TAS1R3: variants seen among roughly 807,000 people sequenced by gnomAD.
TAS1R3 encodes the protein taste 1 receptor member 3, also known as taste receptor type 1 member 3.
Under a neutral mutation model 46.1 loss-of-function variants are expected in TAS1R3, and 58 were observed. The observed-to-expected ratio is 1.26, with a 90% CI of 1.02 to 1.57. The LOEUF (loss-of-function observed/expected upper bound fraction) is 1.57, where lower values mean the gene tolerates loss of function less well. Ranked by LOEUF, TAS1R3 falls within the 40% of genes most tolerant of loss-of-function variation. The pLI is 0.00. For missense variants in TAS1R3, 1,422 were observed against 1,185.8 expected, an observed-to-expected ratio of 1.20 and a Z score of -2.93; for synonymous variants, 724 against 544.7, an observed-to-expected ratio of 1.33 and a Z score of -4.58.
In TAS1R3 at chr1:1,331,647, A is replaced by T. The variant is rs755262154; in HGVS notation, c.201A>T (p.Ser67=). 6.2e-7 allele frequency: 1 copy of T among 1,609,956 alleles called. No homozygotes were observed. Among genetic ancestry groups the T allele is most frequent in the South Asian group, 1.1e-5 (1 of 91,046 alleles). The stretch of plus-strand genomic sequence containing the variant: ...TTCTGTGTGGCCCCAGGTTCTCCTC[A>T]AACGGCCTGCTCTGGGCACTGGCCA... ...PSSPVCTRFS[S]NGLLWALAMK... Residue 67 remains serine (S), a synonymous_variant, in exon 2 of 6, where the codon TCA becomes TCT. Coordinates refer to ENST00000339381, the MANE Select transcript of TAS1R3 (RefSeq NM_152228.3).
In TAS1R3 at chr1:1,332,923, C is replaced by T. The variant is rs1382890642; in HGVS notation, c.1278C>T (p.Leu426=). The change falls in exon 4 of 6, where the codon CTC becomes CTT. Residue 426 remains leucine, a splice_region_variant and synonymous_variant. Transcript: ENST00000339381. Reference sequence around the variant, plus strand: ...TCAGCCCCGTCCCCCGCCCGCAGCTCCTGGAGAACATGTACAACCTGACCT... The same window carrying T: ...TCAGCCCCGTCCCCCGCCCGCAGCTTCTGGAGAACATGTACAACCTGACCT... ...PAQDPVKPWQ[L]LENMYNLTFH... 2 of 1,606,038 alleles carry T rather than the reference C, an allele frequency of 1.2e-6. No homozygotes were observed. The highest frequency in any genetic ancestry group is 1.3e-5 in the African/African-American group (1 of 74,944).
At chr1:1,332,856 C>T in intron 3 of TAS1R3, 50 bp downstream of exon 3, 1 of 1,587,442 alleles carries the variant, frequency 6.3e-7, no homozygotes, top group Non-Finnish European at 8.6e-7. Flanking sequence ...GCCCAGGCCA[C>T]CAGGCACGGC....
rs140035477 is a variant in TAS1R3 at position 1,333,624 on chromosome 1, C to T, written c.1719C>T (p.Leu573=). Residue 573 remains leucine (L), a synonymous_variant, in exon 6 of 6, where the codon CTC becomes CTT. Coordinates refer to ENST00000339381, the MANE Select transcript of TAS1R3 (RefSeq NM_152228.3). The part of the protein sequence containing the change: ...AWGEPAVLLL[L]LLLSLALGLV... Reference sequence around the variant, plus strand: ...GCGAGCCGGCTGTGCTGCTGCTGCTCCTGCTGCTGAGCCTGGCGCTGGGCC... The same window carrying T: ...GCGAGCCGGCTGTGCTGCTGCTGCTTCTGCTGCTGAGCCTGGCGCTGGGCC... The T allele has an allele frequency of 5.9e-3, 9,466 of 1,611,062 alleles. 428 individuals carry two copies. The Admixed American group carries it at 0.1, about 17-fold the overall frequency.
Position 1,334,734 on chromosome 1 carries a change from G to A in TAS1R3, c.*270G>A, listed in dbSNP as rs922566810. 1.5e-5 allele frequency: 6 copies of A among 408,796 alleles called. No individual in the cohort carries two copies. Among genetic ancestry groups the A allele is most frequent in the Admixed American group, 4.1e-5 (1 of 24,460 alleles). The allele number at this position is 408,796 out of a possible 1,614,324, so 25.3% of individuals were successfully genotyped here. ...CCCAGACCCACTGTTCTGGAAAGAG[G>A]CCCGGAGGGCTCCCAGGGTACCCGC... On this transcript the variant is annotated 3_prime_UTR_variant, in exon 6 of 6. Transcript: ENST00000339381.
At position 1,334,281 on chromosome 1, in the gene TAS1R3, C is replaced by T. The variant is rs139536001; in HGVS notation, c.2376C>T (p.Ala792=). 6.1e-5 allele frequency: 98 copies of T among 1,611,534 alleles called. No homozygotes were observed. The African/African-American group carries it at 1.1e-3, about 19-fold the overall frequency. The change falls in exon 6 of 6, where the codon GCC becomes GCT. Residue 792 remains alanine (A), a synonymous_variant. Transcript: ENST00000339381. ...ATGTGCAGGTGGTCCTCAGGCCCGC[C>T]GTGCAGATGGGCGCCCTCCTGCTCT... The part of the protein sequence containing the change: ...LANVQVVLRP[A]VQMGALLLCV...
chr1:1,331,766 T>A lies in TAS1R3; in HGVS notation c.320T>A (p.Val107Glu). Residue 107 changes from valine to glutamate, a missense_variant, in exon 2 of 6, where the codon GTG becomes GAG. Transcript: ENST00000339381. The stretch of plus-strand genomic sequence containing the variant: ...CTCTTTGATACGTGCTCGGAGCCTG[T>A]GGTGGCCATGAAGCCCAGCCTCATG... ...YDLFDTCSEP[V>E]VAMKPSLMFL... The A allele has an allele frequency of 6.2e-7, 1 of 1,612,874 alleles. No individual in the cohort carries two copies. Among genetic ancestry groups the A allele is most frequent in the Non-Finnish European group, 8.5e-7 (1 of 1,180,016 alleles).
rs1189687722 is a variant in TAS1R3 at position 1,334,532 on chromosome 1, C to T, written c.*68C>T. On this transcript the variant is annotated 3_prime_UTR_variant, in exon 6 of 6. Coordinates refer to ENST00000339381, the MANE Select transcript of TAS1R3 (RefSeq NM_152228.3). ...GCGATCCCCCCCAAGCCAGCAATGA[C>T]CCGTGTCTCGCTACAGAGACCCTCC... 4 of 1,427,208 alleles carry T rather than the reference C, an allele frequency of 2.8e-6. No individual in the cohort carries two copies. Among genetic ancestry groups the T allele is most frequent in the South Asian group, 1.5e-5 (1 of 68,490 alleles). The allele number at this position is 1,427,208 out of a possible 1,614,324, so 88.4% of individuals were successfully genotyped here.
rs145836110 is a variant in TAS1R3 at position 1,334,360 on chromosome 1, C to A, written c.2455C>A (p.Arg819=). ...FHLPRCYLLM[R]QPGLNTPEFF... Reference sequence around the variant, plus strand: ...CCTGCCCAGGTGTTACCTGCTCATGCGGCAGCCAGGGCTCAACACCCCCGA... The same window carrying A: ...CCTGCCCAGGTGTTACCTGCTCATGAGGCAGCCAGGGCTCAACACCCCCGA... The change falls in exon 6 of 6, where the codon CGG becomes AGG. Residue 819 remains arginine (R), a synonymous_variant. Transcript: ENST00000339381. 54 of 1,610,662 alleles carry A rather than the reference C, an allele frequency of 3.4e-5. No individual in the cohort carries two copies. The highest frequency in any genetic ancestry group is 4.5e-5 in the Non-Finnish European group (53 of 1,179,016).
In TAS1R3 at chr1:1,334,192, G is replaced by A. The variant is rs982835883; in HGVS notation, c.2287G>A (p.Gly763Ser). 2.5e-6 allele frequency: 4 copies of A among 1,602,732 alleles called. No homozygotes were observed. Among genetic ancestry groups the A allele is most frequent in the Non-Finnish European group, 3.4e-6 (4 of 1,175,140 alleles). Reference protein sequence around the residue: ...SQPGCYNRARGLTFAMLAYFI... With the variant: ...SQPGCYNRARSLTFAMLAYFI... ...GCCGGGCTGCTACAACCGTGCCCGT[G>A]GCCTCACCTTTGCCATGCTGGCCTA... Residue 763 changes from glycine to serine, a missense_variant, in exon 6 of 6, where the codon GGC becomes AGC. Transcript: ENST00000339381.
rs547693387 is a variant in TAS1R3, at chr1:1,333,600, C to G, written c.1695C>G (p.Gly565=). ...GCAGGTCTCGGTTCCTGGCATGGGGCGAGCCGGCTGTGCTGCTGCTGCTCC... is the reference window on the plus strand; with the variant it reads ...GCAGGTCTCGGTTCCTGGCATGGGGGGAGCCGGCTGTGCTGCTGCTGCTCC... The part of the protein sequence containing the change: ...FRRRSRFLAW[G]EPAVLLLLLL... The change falls in exon 6 of 6, where the codon GGC becomes GGG. Residue 565 remains glycine (G), a synonymous_variant. Coordinates refer to ENST00000339381, the MANE Select transcript of TAS1R3 (RefSeq NM_152228.3). The G allele has an allele frequency of 2.5e-6, 4 of 1,609,296 alleles. No individual in the cohort carries two copies. The highest frequency in any genetic ancestry group is 3.4e-6 in the Non-Finnish European group (4 of 1,179,926).
chr1:1,332,422 G>A lies in TAS1R3; in HGVS notation c.891G>A (p.Trp297Ter). 6.2e-7 allele frequency: 1 copy of A among 1,606,612 alleles called. No homozygotes were observed. The highest frequency in any genetic ancestry group is 8.5e-7 in the Non-Finnish European group (1 of 1,178,152). Residue 297 changes from tryptophan (W) to a stop codon, truncating the protein, a stop_gained, in exon 3 of 6, where the codon TGG (tryptophan) becomes TGA (stop). Transcript: ENST00000339381. LOFTEE classifies it high-confidence loss of function. Reference sequence around the variant, plus strand: ...GCAGCAGGCTCTCGCCCAAGGTGTGGGTGGCCAGCGAGGCCTGGCTGACCT... The same window carrying A: ...GCAGCAGGCTCTCGCCCAAGGTGTGAGTGGCCAGCGAGGCCTGGCTGACCT... Reference protein sequence around the residue: ...SISSRLSPKVWVASEAWLTSD... With the variant: ...SISSRLSPKV
At position 1,332,624 on chromosome 1, in the gene TAS1R3, G is replaced by A. The variant is rs746608630; in HGVS notation, c.1093G>A (p.Val365Met). 9.4e-5 allele frequency: 152 copies of A among 1,609,574 alleles called. 3 individuals are homozygous for A. The Admixed American group carries it at 1.9e-3, about 20-fold the overall frequency. ...GEREQGLEED[V>M]VGQRCPQCDC... ...GAGGGAGCAGGGTCTGGAGGAGGAC[G>A]TGGTGGGCCAGCGCTGCCCGCAGTG... Residue 365 changes from valine (V) to methionine (M), a missense_variant, in exon 3 of 6, where the codon GTG becomes ATG. Val to Met is a conservative substitution (Grantham distance 21). Coordinates refer to ENST00000339381, the MANE Select transcript of TAS1R3 (RefSeq NM_152228.3).
In TAS1R3 at chr1:1,333,978, G is replaced by A. The variant is rs1349514795; in HGVS notation, c.2073G>A (p.Val691=). Reference sequence around the variant, plus strand: ...TGGTGGTGCTGCTGGCCATGCTGGTGGAGGTCGCACTGTGCACCTGGTACC... The same window carrying A: ...TGGTGGTGCTGCTGGCCATGCTGGTAGAGGTCGCACTGTGCACCTGGTACC... ...AWLVVLLAML[V]EVALCTWYLV... is the part of the protein sequence containing the mutation. The change falls in exon 6 of 6, where the codon GTG becomes GTA. Residue 691 remains valine, a synonymous_variant. Coordinates refer to ENST00000339381, the MANE Select transcript of TAS1R3 (RefSeq NM_152228.3). 1 of 1,601,024 alleles carries A rather than the reference G, an allele frequency of 6.2e-7. No homozygotes were observed. The highest frequency in any genetic ancestry group is 8.5e-7 in the Non-Finnish European group (1 of 1,179,824).
rs140982893 is a variant in TAS1R3, at chr1:1,332,530, G to A, written c.999G>A (p.Glu333=). 3 of 1,611,594 alleles carry A rather than the reference G, an allele frequency of 1.9e-6. No individual in the cohort carries two copies. The highest frequency in any genetic ancestry group is 2.5e-6 in the Non-Finnish European group (3 of 1,179,956). Residue 333 remains glutamate, a synonymous_variant, in exon 3 of 6, where the codon GAG becomes GAA. Coordinates refer to ENST00000339381, the MANE Select transcript of TAS1R3 (RefSeq NM_152228.3). ...GFLQRGAQLH[E]FPQYVKTHLA... ...TCCAGAGGGGTGCCCAGCTGCACGA[G>A]TTCCCCCAGTACGTGAAGACGCACC...
rs759463031 is a variant in TAS1R3 at position 1,331,856 on chromosome 1, G to A, written c.410G>A (p.Arg137His). ...AYCNYTQYQP[R>H]VLAVIGPHSS... ...TGCAACTACACGCAGTACCAGCCCC[G>A]TGTGCTGGCTGTCATCGGGCCCCAC... Residue 137 changes from arginine to histidine, a missense_variant, in exon 2 of 6, where the codon CGT becomes CAT. Transcript: ENST00000339381. 27 of 1,612,776 alleles carry A rather than the reference G, an allele frequency of 1.7e-5. No homozygotes were observed. Among genetic ancestry groups the A allele is most frequent in the East Asian group, 4.5e-5 (2 of 44,900 alleles).
At position 1,333,751 on chromosome 1, in the gene TAS1R3, C is replaced by G; in HGVS notation, c.1846C>G (p.Leu616Val). 3.7e-6 allele frequency: 6 copies of G among 1,600,190 alleles called. No individual in the cohort carries two copies. The highest frequency in any genetic ancestry group is 5.1e-6 in the Non-Finnish European group (6 of 1,175,748). ...LACFGLVCLG[L>V]VCLSVLLFPG... The stretch of plus-strand genomic sequence containing the variant: ...CTGCTTTGGCCTGGTGTGCCTGGGC[C>G]TGGTCTGCCTCAGCGTCCTCCTGTT... The change falls in exon 6 of 6, where the codon CTG becomes GTG. Residue 616 changes from leucine (L) to valine (V), a missense_variant. By Grantham distance (32) the Leu-to-Val change is conservative (BLOSUM62 1). Transcript: ENST00000339381.
chr1:1,332,854 C>T (rs370979245), intron 3 of TAS1R3, 48 bp downstream of exon 3: 2 of 1,588,554 alleles, frequency 1.3e-6, no homozygotes, highest in Non-Finnish European at 1.7e-6. Flanking sequence ...GTGCCCAGGC[C>T]ACCAGGCACG....
At position 1,334,243 on chromosome 1, in the gene TAS1R3, C is replaced by A; in HGVS notation, c.2338C>A (p.Pro780Thr). ...CTTCATCACCTGGGTCTCCTTTGTG[C>A]CCCTCCTGGCCAATGTGCAGGTGGT... ...AYFITWVSFV[P>T]LLANVQVVLR... Residue 780 changes from proline (P) to threonine (T), a missense_variant, in exon 6 of 6, where the codon CCC (proline) becomes ACC (threonine). By Grantham distance (38) the Pro-to-Thr change is conservative. Coordinates refer to ENST00000339381, the MANE Select transcript of TAS1R3 (RefSeq NM_152228.3). 1 of 1,611,216 alleles carries A rather than the reference C, an allele frequency of 6.2e-7. No individual in the cohort carries two copies. Among genetic ancestry groups the A allele is most frequent in the Non-Finnish European group, 8.5e-7 (1 of 1,179,310 alleles).
rs753186818 is a variant in TAS1R3 at position 1,331,472 on chromosome 1, CT to C, written c.128del (p.Leu43ArgfsTer34). On this transcript the variant is annotated frameshift_variant, in exon 1 of 6. Transcript: ENST00000339381. LOFTEE classifies it high-confidence loss of function. The part of the protein sequence containing the change: ...GDYVLGGLFP[L>X]GEAEEAGLRS... ...CTACGTGCTGGGGGGGCTGTTCCCCCTGGGCGAGGCCGAGGAGGCTGGCCTC... is the reference window on the plus strand; with the variant it reads ...CTACGTGCTGGGGGGGCTGTTCCCCCGGGCGAGGCCGAGGAGGCTGGCCTC... 32 of 1,606,842 alleles carry C rather than the reference CT, an allele frequency of 2.0e-5. No individual in the cohort carries two copies. In the African/African-American group the frequency reaches 2.3e-4, roughly 11 times the overall value.
Sources: allele counts gnomAD v4.1 joint callset, GRCh38; gene constraint gnomAD v4.1.1; transcripts MANE v1.5; gene names NCBI Gene and HGNC (gene_info 2026-07-23, HGNC 2026-07-21).